The following GPC5 variants were observed in gnomAD, a reference collection of about 807,000 sequenced individuals.
GPC5 encodes glypican 5.
A neutral mutation model predicts 53.9 loss-of-function variants in GPC5; 47 were observed. That is an observed-to-expected ratio of 0.87 (90% confidence interval 0.69 to 1.11). The LOEUF (loss-of-function observed/expected upper bound fraction) is 1.11. GPC5 is among the 50% of genes most tolerant of loss of function. GPC5 has a pLI of 0.00. For missense variants in GPC5, 748 were observed against 713.1 expected, an observed-to-expected ratio of 1.05 and a Z score of -0.56; for synonymous variants, 286 against 263.3, an observed-to-expected ratio of 1.09 and a Z score of -0.84.
At chr13:92,698,061 G>T (rs372297851) in intron 7 of GPC5, among the ~76,000 whole-genome samples, 2 of 152,156 alleles carry the variant, frequency 1.3e-5, no homozygotes. Flanking sequence ...ACTTGATCAT[G>T]GTGGATAAGC....
intron 7 of GPC5, among the ~76,000 whole-genome samples, chr13:92,237,992 C>T (rs1042626294): frequency 2.6e-5 from 4 of 151,930 alleles, no homozygotes; most frequent in African/African-American, 7.2e-5. Flanking sequence ...TTCATCCATG[C>T]CGTACATTCT....
intron 5 of GPC5, among the ~76,000 whole-genome samples, chr13:91,795,044 A>C (rs760983347): frequency 3.9e-5 from 6 of 152,184 alleles, no homozygotes; most frequent in Non-Finnish European, 7.3e-5. Context: ...ATCAAAAGTC[A>C]CTGTCTCTTT....
intron 7 of GPC5, chr13:92,448,995 G>A (rs1184928587): frequency 6.6e-6 from 1 of 150,540 alleles, no homozygotes; most frequent in Non-Finnish European, 1.5e-5. Flanking sequence ...GTGTTATGTA[G>A]TTTAATTCAT....
rs573316566 is a variant in GPC5 at position 91,991,667 on chromosome 13, A to G, written c.1401+83610A>G. On this transcript the variant is annotated intron_variant, in intron 6 of 7. Transcript: ENST00000377067. ...TACAGACTTTTTTTGAATTCCAAAA[A>G]GAATTATACTGTGAACATTTTTTAA... Among the ~76,000 whole-genome samples, 9 of 152,320 alleles carry G rather than the reference A, an allele frequency of 5.9e-5. No homozygotes were observed. The South Asian group carries it at 1.9e-3, about 32-fold the overall frequency.
chr13:91,927,485 T>C (rs74106585), intron 6 of GPC5, among the ~76,000 whole-genome samples: 1,765 of 152,238 alleles, frequency 0.012, 35 homozygotes, highest in African/African-American at 0.041. Context: ...TGATGCATTA[T>C]ATTTATCTAC....
intron 2 of GPC5, among the ~76,000 whole-genome samples, chr13:91,460,219 C>T (rs35345458): frequency 0.27 from 40,798 of 151,904 alleles, 6,599 homozygotes; most frequent in Middle Eastern, 0.36. Flanking sequence ...AACACATTTG[C>T]TCTTCTTATA....
At chr13:91,889,498 T>A (rs925598960) in intron 5 of GPC5, among the ~76,000 whole-genome samples, 3 of 152,026 alleles carry the variant, frequency 2.0e-5, no homozygotes, top group African/African-American at 4.8e-5. Context: ...TGGATGGGAC[T>A]CCATTACAAA....
In GPC5 at chr13:92,141,482, G is replaced by A. The variant is rs187828772; in HGVS notation, c.1402-3348G>A. ...TCCAAGGGTACCATCTTCTCAGGAA[G>A]GTGGTATCTTACAGAAATGATGACC... On this transcript the variant is annotated intron_variant, in intron 6 of 7. Coordinates refer to ENST00000377067, the MANE Select transcript of GPC5 (RefSeq NM_004466.6). Among the ~76,000 whole-genome samples the A allele has an allele frequency of 2.0e-3, 312 of 152,262 alleles. 1 individual carries two copies. The highest frequency in any genetic ancestry group is 3.7e-3 in the Non-Finnish European group (249 of 68,014).
At chr13:91,567,340 A>G (rs2031579322) in intron 2 of GPC5, among the ~76,000 whole-genome samples, 2 of 152,146 alleles carry the variant, frequency 1.3e-5, no homozygotes, top group Admixed American at 6.6e-5. Flanking sequence ...TCTTTTGTTT[A>G]GATGTTCTCT....
intron 5 of GPC5, among the ~76,000 whole-genome samples, chr13:91,814,495 CAGT>C (rs1179988053): frequency 1.3e-5 from 2 of 151,936 alleles, no homozygotes; most frequent in Non-Finnish European, 2.9e-5. Flanking sequence ...TAGTGGAATG[CAGT>C]AGTTTTTGAT....
intron 7 of GPC5, among the ~76,000 whole-genome samples, chr13:92,840,074 C>CATACATATATATATATATATATATATAT (rs1878372637): frequency 1.4e-5 from 1 of 72,122 alleles, no homozygotes; most frequent in African/African-American, 5.3e-5. Context: ...TTCATATATA[C>CATACATATATATATATATATATATATAT]ATACATATAT....
intron 7 of GPC5, among the ~76,000 whole-genome samples, chr13:92,755,958 G>T (rs1462647472): frequency 6.6e-6 from 1 of 151,416 alleles, no homozygotes; most frequent in Admixed American, 6.6e-5. Context: ...GGAAAAGAGG[G>T]AATCCTCCCT....
At chr13:92,594,889 T>C (rs1218278350) in intron 7 of GPC5, among the ~76,000 whole-genome samples, 1 of 152,250 alleles carries the variant, frequency 6.6e-6, no homozygotes, top group African/African-American at 2.4e-5. Flanking sequence ...TTTGTGTTTT[T>C]ATGTAATTTG....
intron 7 of GPC5, among the ~76,000 whole-genome samples, chr13:92,660,634 A>T (rs962088405): frequency 2.6e-4 from 40 of 151,846 alleles, no homozygotes; most frequent in African/African-American, 9.2e-4. Context: ...CCACGTAATG[A>T]TCTCTCTGCA....
chr13:91,878,128 G>T (rs1302518632), intron 5 of GPC5, among the ~76,000 whole-genome samples: 1 of 152,090 alleles, frequency 6.6e-6, no homozygotes, highest in Non-Finnish European at 1.5e-5. Context: ...TCAGCAGCAT[G>T]TAAACAGACT....
At chr13:92,438,198 G>C (rs1251081418) in intron 7 of GPC5, among the ~76,000 whole-genome samples, 1 of 151,740 alleles carries the variant, frequency 6.6e-6, no homozygotes, top group South Asian at 2.1e-4. Context: ...AATAAAATAC[G>C]AGCTGTATAA....
chr13:91,698,883 G>T (rs1388092804), intron 3 of GPC5, among the ~76,000 whole-genome samples: 2 of 152,142 alleles, frequency 1.3e-5, no homozygotes, highest in Non-Finnish European at 2.9e-5. Flanking sequence ...ACAATAATAA[G>T]AAGGCTAATA....
chr13:92,452,842 T>C (rs1594214142), intron 7 of GPC5, among the ~76,000 whole-genome samples: 2 of 152,188 alleles, frequency 1.3e-5, no homozygotes, highest in Non-Finnish European at 2.9e-5. Context: ...GTGCTGGGAT[T>C]ACAGGCATGA....
chr13:92,010,724 T>C (rs935446867), intron 6 of GPC5, among the ~76,000 whole-genome samples: 3 of 152,126 alleles, frequency 2.0e-5, no homozygotes, highest in African/African-American at 7.2e-5. Context: ...AGCAAGAGAA[T>C]GGTCATCTCT....
Sources: allele counts gnomAD v4.1 joint callset (sites outside exome capture counted in the v4.1 genomes callset), GRCh38; gene constraint gnomAD v4.1.1; transcripts MANE v1.5; gene names NCBI Gene and HGNC (gene_info 2026-07-23, HGNC 2026-07-21).